TNK2: variants seen among roughly 807,000 people sequenced by gnomAD.
TNK2 encodes activated CDC42 kinase 1.
A neutral mutation model predicts 101.8 loss-of-function variants in TNK2; 83 were observed. The observed-to-expected ratio is 0.82, with a 90% CI of 0.68 to 0.98. The LOEUF (loss-of-function observed/expected upper bound fraction) is 0.98, where lower values mean the gene tolerates loss of function less well. Ranked by LOEUF, TNK2 falls within the 50% of genes least tolerant of loss-of-function variation. The pLI, the probability that TNK2 is intolerant of heterozygous loss-of-function variation, is 0.00. For synonymous variants in TNK2, 804 were observed against 633.0 expected (o/e 1.27, Z -4.06); for missense variants, 1,665 against 1,483.2 (o/e 1.12, Z -2.01).
At chr3:195,907,299 G>A (rs570759430) in intron 1 of TNK2, among the ~76,000 whole-genome samples, 6 of 152,350 alleles carry the variant, frequency 3.9e-5, no homozygotes, top group African/African-American at 1.4e-4. Flanking sequence ...GAAGCTGACA[G>A]GCGGGTTTGA....
rs572355803 is a variant in TNK2, at chr3:195,884,790, T to C, written c.456+22A>G. The C allele has an allele frequency of 7.5e-6, 12 of 1,592,248 alleles. No individual in the cohort carries two copies. In the African/African-American group the frequency reaches 1.5e-4, roughly 20 times the overall value. On this transcript the variant is annotated intron_variant, in intron 4 of 15. Coordinates refer to ENST00000672887, the MANE Select transcript of TNK2 (RefSeq NM_001382273.1). ...CCCGGGTCCCATGCCTCTGCTGCGC[T>C]GGCAGGACACAGAGAGCTCACCGTC...
In TNK2 at chr3:195,870,151, G is replaced by A. The variant is rs1744011980; in HGVS notation, c.1506C>T (p.Ser502=). The part of the protein sequence containing the change: ...DPPDLLSVEL[S]TSRPPQHLGG... ...CTAGATGCTGGGGGGGCCGGGAGGT[G>A]CTCAGTTCCACGCTCAGGAGGTCGG... The change falls in exon 11 of 16, where the codon AGC becomes AGT. Residue 502 remains serine, a synonymous_variant. Coordinates refer to ENST00000672887, the MANE Select transcript of TNK2 (RefSeq NM_001382273.1). The A allele has an allele frequency of 2.7e-6, 4 of 1,490,190 alleles. No homozygotes were observed. Among genetic ancestry groups the A allele is most frequent in the East Asian group, 2.4e-5 (1 of 40,914 alleles). The allele number at this position is 1,490,190 out of a possible 1,614,324, so 92.3% of individuals were successfully genotyped here. A position where few individuals can be genotyped will look rare whatever the true frequency, so the allele number is the denominator to read the frequency against.
intron 1 of TNK2, chr3:195,895,489 G>T: frequency 7.4e-7 from 1 of 1,360,426 alleles, no homozygotes; most frequent in Non-Finnish European, 9.4e-7. Flanking sequence ...GCGGCCGGGT[G>T]GTCGCGCCCC....
intron 1 of TNK2, among the ~76,000 whole-genome samples, chr3:195,903,785 C>A (rs532737211): frequency 5.3e-5 from 8 of 152,036 alleles, no homozygotes; most frequent in Admixed American, 2.0e-4. Context: ...AAGCAACAGG[C>A]ATAAAGATCA....
chr3:195,890,310 G>A (rs896775185), intron 1 of TNK2, among the ~76,000 whole-genome samples: 2 of 152,204 alleles, frequency 1.3e-5, no homozygotes, highest in African/African-American at 2.4e-5. Context: ...GGACAAGAGC[G>A]TGAGCTAGCC....
chr3:195,876,728 G>A (rs1162144543), intron 9 of TNK2: 1 of 434,928 alleles, frequency 2.3e-6, no homozygotes, highest in Non-Finnish European at 4.6e-6. Flanking sequence ...ACCAGCGGCT[G>A]GGGCCAACGG....
Position 195,883,323 on chromosome 3 carries a change from G to A in TNK2, c.457-14C>T. 6 of 1,612,244 alleles carry A rather than the reference G, an allele frequency of 3.7e-6. No individual in the cohort carries two copies. Among genetic ancestry groups the A allele is most frequent in the Non-Finnish European group, 3.4e-6 (4 of 1,179,946 alleles). ...AGCCACACTCACCTGCCCAGAGCGG[G>A]ATTTGCAAGGACTCAGGACTTGCCA... On this transcript the variant is annotated splice_polypyrimidine_tract_variant and intron_variant, in intron 4 of 15. Coordinates refer to ENST00000672887, the MANE Select transcript of TNK2 (RefSeq NM_001382273.1).
rs1217380924 is a variant in TNK2 at position 195,886,861 on chromosome 3, G to A, written c.234+116C>T. The stretch of plus-strand genomic sequence containing the variant: ...ACGAGGGGGTCCTGTACAAAGTGCC[G>A]GCAGAACGGCGAGATTCGACCTGCC... On this transcript the variant is annotated intron_variant, in intron 3 of 15. Coordinates refer to ENST00000672887, the MANE Select transcript of TNK2 (RefSeq NM_001382273.1). The surrounding 1 kb of genome is among the most constrained non-coding windows in gnomAD (Gnocchi z 4.2). The A allele has an allele frequency of 1.6e-5, 18 of 1,159,268 alleles. No homozygotes were observed. Among genetic ancestry groups the A allele is most frequent in the South Asian group, 5.0e-5 (4 of 80,406 alleles). 71.8% of individuals were successfully genotyped at this position (1,159,268 alleles called of 1,614,324 possible).
At chr3:195,876,736 C>CG (rs1463356815) in intron 9 of TNK2, 5 of 432,522 alleles carry the variant, frequency 1.2e-5, no homozygotes, top group African/African-American at 8.1e-5. Context: ...CTGGGGCCAA[C>CG]GGGGGCCTTC....
chr3:195,885,572 T>C lies in TNK2; in HGVS notation c.235-539A>G. ...CCCAGGGGAGAGGATAATTTTAGTC[T>C]GAGGTTGAACCGTGAGTGTGTGTGT... On this transcript the variant is annotated intron_variant, in intron 3 of 15. Transcript: ENST00000672887. The surrounding 1 kb of genome is among the most constrained non-coding windows in gnomAD (Gnocchi z 4.7). 7.8e-7 allele frequency: 1 copy of C among 1,290,156 alleles called. No homozygotes were observed. The highest frequency in any genetic ancestry group is 1.0e-6 in the Non-Finnish European group (1 of 989,098). The allele number at this position is 1,290,156 out of a possible 1,614,324, so 79.9% of individuals were successfully genotyped here. A position where few individuals can be genotyped will look rare whatever the true frequency, so the allele number is the denominator to read the frequency against.
rs1263181125 is a variant in TNK2, at chr3:195,882,008, G to C, written c.887+43C>G. 6.3e-7 allele frequency: 1 copy of C among 1,576,608 alleles called. No homozygotes were observed. Among genetic ancestry groups the C allele is most frequent in the South Asian group, 1.2e-5 (1 of 85,412 alleles). On this transcript the variant is annotated intron_variant, in intron 6 of 15. Coordinates refer to ENST00000672887, the MANE Select transcript of TNK2 (RefSeq NM_001382273.1). This position sits in a 1 kb window ranked among gnomAD's most constrained non-coding sequence, Gnocchi z 4.2. ...GAAAGCCCCAGAAGCTTTGAGGCCT[G>C]GGTCTGCAGGGACTCTGTGAGCTGG...
At chr3:195,894,912 G>GT (rs941599241) in intron 1 of TNK2, among the ~76,000 whole-genome samples, 7 of 152,228 alleles carry the variant, frequency 4.6e-5, no homozygotes, top group African/African-American at 1.7e-4. Context: ...CAGAAGCCTA[G>GT]TAAACGGGAA....
Position 195,878,683 on chromosome 3 carries a change from G to C in TNK2, c.1015-91C>G. ...CCTCCAGCCCATCCACAGCTGCAGC[G>C]GCTGCTGCCATGCCTGGCCTCCAAA... On this transcript the variant is annotated intron_variant, in intron 7 of 15. Transcript: ENST00000672887. This position sits in a 1 kb window ranked among gnomAD's most constrained non-coding sequence, Gnocchi z 4.7. The C allele has an allele frequency of 7.3e-6, 11 of 1,507,184 alleles. No individual in the cohort carries two copies. The highest frequency in any genetic ancestry group is 8.9e-6 in the Non-Finnish European group (10 of 1,121,700). The allele number at this position is 1,507,184 out of a possible 1,614,324, so 93.4% of individuals were successfully genotyped here.
Position 195,888,500 on chromosome 3 carries a change from A to G in TNK2, c.89T>C (p.Leu30Pro), listed in dbSNP as rs1171666373. 7.4e-6 allele frequency: 12 copies of G among 1,613,926 alleles called. No individual in the cohort carries two copies. The highest frequency in any genetic ancestry group is 1.0e-5 in the Non-Finnish European group (12 of 1,179,998). The change falls in exon 2 of 16, where the codon CTC becomes CCC. Residue 30 changes from leucine to proline, a missense_variant. Around this residue, in one of 3 missense-constraint regions of TNK2, gnomAD observed 490 missense variants for 522.5 expected, o/e 0.94. Coordinates refer to ENST00000672887, the MANE Select transcript of TNK2 (RefSeq NM_001382273.1). The surrounding 1 kb of genome is among the most constrained non-coding windows in gnomAD (Gnocchi z 5.3). ...AAAGTGGGACAGGCGGGTGACGTTG[A>G]GGTCATCTCGGAGCCGCAGGAAGTA... ...QQYFLRLRDD[L>P]NVTRLSHFEY...
intron 1 of TNK2, among the ~76,000 whole-genome samples, chr3:195,893,038 G>A (rs1005600978): frequency 2.0e-5 from 3 of 151,836 alleles, no homozygotes; most frequent in African/African-American, 4.8e-5. Context: ...TTAGGGTGGC[G>A]GCTATGTGAC....
chr3:195,878,552 C>T lies in TNK2; in HGVS notation c.1055G>A (p.Arg352Gln). The change falls in exon 8 of 16, where the codon CGG becomes CAG. Residue 352 changes from arginine to glutamine, a missense_variant. Physicochemically the swap from Arg to Gln is conservative, Grantham distance 43 (BLOSUM62 1). Around this residue, in one of 3 missense-constraint regions of TNK2, gnomAD observed 490 missense variants for 522.5 expected, o/e 0.94. Coordinates refer to ENST00000672887, the MANE Select transcript of TNK2 (RefSeq NM_001382273.1). This position sits in a 1 kb window ranked among gnomAD's most constrained non-coding sequence, Gnocchi z 4.7. ...KIDKEGERLP[R>Q]PEDCPQDIYN... Reference sequence around the variant, plus strand: ...GATGTCCTGGGGACAGTCCTCGGGCCGGGGCAGCCGCTCCCCCTCCTTGTC... The same window carrying T: ...GATGTCCTGGGGACAGTCCTCGGGCTGGGGCAGCCGCTCCCCCTCCTTGTC... 2 of 1,613,434 alleles carry T rather than the reference C, an allele frequency of 1.2e-6. No individual in the cohort carries two copies. Among genetic ancestry groups the T allele is most frequent in the Non-Finnish European group, 8.5e-7 (1 of 1,179,962 alleles).
In TNK2 at chr3:195,866,858, C is replaced by T. The variant is rs550132261; in HGVS notation, c.3161+31G>A. On this transcript the variant is annotated intron_variant, in intron 15 of 15. Coordinates refer to ENST00000672887, the MANE Select transcript of TNK2 (RefSeq NM_001382273.1). ...GCTCTGGGACAGCCCTCCTGGGGCA[C>T]GGAGCGGGGCAGACTGTGGGGCTCA... 517 of 1,601,640 alleles carry T rather than the reference C, an allele frequency of 3.2e-4. 6 individuals carry two copies. The South Asian group carries it at 5.4e-3, about 17-fold the overall frequency.
intron 11 of TNK2, chr3:195,869,788 G>A (rs1274819647): frequency 1.0e-5 from 6 of 595,608 alleles, no homozygotes; most frequent in Admixed American, 2.9e-5. Context: ...GGAGCCGTGG[G>A]GTGGTTTTGG....
At chr3:195,881,910 G>A (rs1753314964) in intron 6 of TNK2, 141 bp downstream of exon 6, 7 of 993,590 alleles carry the variant, frequency 7.0e-6, no homozygotes, top group Admixed American at 2.8e-5. Context: ...GCGAATGGGT[G>A]CAAAGGAGGG....
Sources: gnomAD v4.1 joint callset for allele counts (sites outside exome capture counted in the v4.1 genomes callset) on GRCh38, gnomAD v4.1.1 for gene constraint, gnomAD v4.1.1 regional missense constraint, Gnocchi (gnomAD v3.1) non-coding constraint, MANE v1.5 for transcripts, NCBI Gene and HGNC (gene_info 2026-07-23, HGNC 2026-07-21) for gene names.